DAPK1: variants seen among roughly 807,000 people sequenced by gnomAD.
DAPK1 encodes the protein death-associated protein kinase 1.
DAPK1 carries 56 observed loss-of-function variants against 144.9 expected under a neutral mutation model. The ratio of observed to expected loss-of-function variants is 0.39; its 90% confidence interval spans 0.31 to 0.48. DAPK1 has a LOEUF of 0.48. Ranked by LOEUF, DAPK1 falls within the 20% of genes least tolerant of loss-of-function variation. The pLI is 0.95. For missense variants in DAPK1, 1,454 were observed against 1,875.4 expected, an observed-to-expected ratio of 0.78 and a Z score of 4.15; for synonymous variants, 690 against 749.0, an observed-to-expected ratio of 0.92 and a Z score of 1.29.
intron 2 of DAPK1, among the ~76,000 whole-genome samples, chr9:87,528,172 A>T (rs1010812648): frequency 5.9e-5 from 9 of 151,872 alleles, no homozygotes; most frequent in Non-Finnish European, 1.3e-4. Flanking sequence ...TTGATGTCTT[A>T]TCCATTTGGA....
chr9:87,636,003 A>AT (rs965399843), intron 3 of DAPK1, among the ~76,000 whole-genome samples: 1 of 151,986 alleles, frequency 6.6e-6, no homozygotes, highest in African/African-American at 2.4e-5. Context: ...TAGTTGAAGG[A>AT]TTTTCTCTCC....
chr9:87,555,663 C>T (rs10868630), intron 2 of DAPK1, among the ~76,000 whole-genome samples: 51,286 of 151,954 alleles, frequency 0.34, 8,911 homozygotes, highest in Middle Eastern at 0.51. Flanking sequence ...GCCACCACGC[C>T]CAGCTAATTT....
In DAPK1 at chr9:87,686,244, G is replaced by A. The variant is rs890943153; in HGVS notation, c.2225-307G>A. 6.6e-6 allele frequency among the ~76,000 whole-genome samples: 1 copy of A among 152,090 alleles called. No homozygotes were observed. The highest frequency in any genetic ancestry group is 6.6e-5 in the Admixed American group (1 of 15,264). ...CCTCCCACCCTCTCCACAGCCTCCC[G>A]TTGGCTGACCCTAAGCAGAAATCAC... On this transcript the variant is annotated intron_variant, in intron 20 of 25. Transcript: ENST00000408954. The surrounding 1 kb of genome is among the most constrained non-coding windows in gnomAD (Gnocchi z 4.2).
chr9:87,673,006 C>A (rs544597979), intron 19 of DAPK1, among the ~76,000 whole-genome samples: 1 of 152,104 alleles, frequency 6.6e-6, no homozygotes, highest in Admixed American at 6.5e-5. Context: ...CATCTTAGGA[C>A]CATTTTCCTT....
chr9:87,621,898 C>G (rs894026117), intron 3 of DAPK1, among the ~76,000 whole-genome samples: 1 of 152,030 alleles, frequency 6.6e-6, no homozygotes, highest in Admixed American at 6.6e-5. Context: ...GCAGTTCCCC[C>G]ACATCCACAC....
rs561889764 is a variant in DAPK1, at chr9:87,659,416, CA to C, written c.1923+1290del. On this transcript the variant is annotated intron_variant, in intron 18 of 25. Transcript: ENST00000408954. ...AGCCCTGCCCAGCCATGCTTGGGCA[CA>C]GGTTCCAGTTACTCCCTAATAGAGC... Among the ~76,000 whole-genome samples, 145 of 152,332 alleles carry C rather than the reference CA, an allele frequency of 9.5e-4. 1 individual carries two copies. Among genetic ancestry groups the C allele is most frequent in the African/African-American group, 3.4e-3 (140 of 41,576 alleles).
intron 10 of DAPK1, 80 bp downstream of exon 10, chr9:87,642,138 G>T: frequency 9.5e-7 from 1 of 1,055,072 alleles, no homozygotes; most frequent in South Asian, 1.4e-5. Flanking sequence ...CATCTCCTCT[G>T]ATACTGGTAA....
At chr9:87,674,408 G>A (rs1343101496) in intron 19 of DAPK1, among the ~76,000 whole-genome samples, 3 of 151,422 alleles carry the variant, frequency 2.0e-5, no homozygotes, top group Admixed American at 6.6e-5. Context: ...CCAGCTACTC[G>A]GGAGGCTGAG....
intron 18 of DAPK1, among the ~76,000 whole-genome samples, chr9:87,667,000 G>T (rs776152484): frequency 6.6e-6 from 1 of 152,148 alleles, no homozygotes; most frequent in Non-Finnish European, 1.5e-5. Context: ...GAATTAACCT[G>T]GGAGCCCAGG....
At chr9:87,659,855 G>A (rs946591097) in intron 18 of DAPK1, among the ~76,000 whole-genome samples, 8 of 152,200 alleles carry the variant, frequency 5.3e-5, no homozygotes, top group African/African-American at 1.9e-4. Flanking sequence ...CACACCGGGG[G>A]CACAGTGAGA....
Position 87,646,119 on chromosome 9 carries a change from G to A in DAPK1, c.1131+105G>A, listed in dbSNP as rs1399290949. 2.9e-6 allele frequency: 4 copies of A among 1,371,258 alleles called. No homozygotes were observed. In the East Asian group the frequency reaches 6.9e-5, roughly 24 times the overall value. The allele number at this position is 1,371,258 out of a possible 1,614,324, so 84.9% of individuals were successfully genotyped here. ...TGCTTCTCCATTCTCCCTTCCAATT[G>A]GAAGCTCCATACTGTGGGGAAAATC... is the stretch of plus-strand genomic sequence containing the variant. On this transcript the variant is annotated intron_variant, in intron 12 of 25. Transcript: ENST00000408954.
At position 87,706,573 on chromosome 9, in the gene DAPK1, C is replaced by T. The variant is rs374924377; in HGVS notation, c.3502C>T (p.Arg1168Cys). The T allele has an allele frequency of 4.3e-6, 7 of 1,613,786 alleles. No individual in the cohort carries two copies. The highest frequency in any genetic ancestry group is 1.1e-5 in the South Asian group (1 of 91,084). The change falls in exon 26 of 26, where the codon CGC becomes TGC. Residue 1168 changes from arginine (R) to cysteine (C), a missense_variant. Physicochemically the swap from Arg to Cys is radical, Grantham distance 180. Coordinates refer to ENST00000408954, the MANE Select transcript of DAPK1 (RefSeq NM_004938.4). The surrounding 1 kb of genome is among the most constrained non-coding windows in gnomAD (Gnocchi z 9.0). Reference sequence around the variant, plus strand: ...AAGCACAGAGGGCGACGCGGACATCCGCCTGTGGGTGAATGGCTGCAAGCT... The same window carrying T: ...AAGCACAGAGGGCGACGCGGACATCTGCCTGTGGGTGAATGGCTGCAAGCT... Reference protein sequence around the residue: ...QQSTEGDADIRLWVNGCKLAN... With the variant: ...QQSTEGDADICLWVNGCKLAN...
intron 14 of DAPK1, among the ~76,000 whole-genome samples, chr9:87,647,619 T>C (rs534803859): frequency 1.3e-5 from 2 of 152,348 alleles, no homozygotes; most frequent in East Asian, 3.9e-4. Flanking sequence ...GTTGCCATAA[T>C]ACGCACGCAT....
chr9:87,536,616 G>A (rs1825869511), intron 2 of DAPK1, among the ~76,000 whole-genome samples: 1 of 152,104 alleles, frequency 6.6e-6, no homozygotes, highest in Admixed American at 6.5e-5. Context: ...TGCTTTATTT[G>A]TTATTGCATA....
At chr9:87,599,957 G>A (rs776137444) in intron 2 of DAPK1, among the ~76,000 whole-genome samples, 27 of 152,246 alleles carry the variant, frequency 1.8e-4, no homozygotes, top group Middle Eastern at 3.4e-3. Context: ...AGCACATTAC[G>A]CATGCCTGAA....
chr9:87,580,981 G>T (rs1827734816), intron 2 of DAPK1, among the ~76,000 whole-genome samples: 1 of 152,170 alleles, frequency 6.6e-6, no homozygotes, highest in Non-Finnish European at 1.5e-5. Flanking sequence ...GGAACTCCAT[G>T]GGACCACTAA....
intron 18 of DAPK1, among the ~76,000 whole-genome samples, chr9:87,662,560 GTT>G (rs71507734): frequency 1.5e-3 from 49 of 32,138 alleles, no homozygotes; most frequent in Non-Finnish European, 2.1e-3. Flanking sequence ...TATATTCCTA[GTT>G]TTTTTTTTTT....
intron 2 of DAPK1, among the ~76,000 whole-genome samples, chr9:87,534,948 G>A (rs780191315): frequency 6.6e-6 from 1 of 152,008 alleles, no homozygotes; most frequent in Non-Finnish European, 1.5e-5. Context: ...TCCGATTCTT[G>A]ATTTATTTTC....
chr9:87,666,872 C>T (rs935439118), intron 18 of DAPK1, among the ~76,000 whole-genome samples: 6 of 152,150 alleles, frequency 3.9e-5, no homozygotes, highest in African/African-American at 7.2e-5. Flanking sequence ...GTGTTTTGTG[C>T]GCGTCTGAGC....
Sources: gnomAD v4.1 joint callset for allele counts (sites outside exome capture counted in the v4.1 genomes callset) on GRCh38, gnomAD v4.1.1 for gene constraint, Gnocchi (gnomAD v3.1) non-coding constraint, MANE v1.5 for transcripts, NCBI Gene and HGNC (gene_info 2026-07-23, HGNC 2026-07-21) for gene names.